Variants in PSD2 observed in about 807,000 individuals in gnomAD.
PSD2 encodes PH and SEC7 domain-containing protein 2.
A neutral mutation model predicts 69.8 loss-of-function variants in PSD2; 38 were observed. That is an observed-to-expected ratio of 0.54 (90% confidence interval 0.42 to 0.71). The LOEUF (loss-of-function observed/expected upper bound fraction) is 0.71, where lower values mean the gene tolerates loss of function less well. PSD2 is among the 30% of genes least tolerant of loss of function. PSD2 has a pLI of 0.00. For missense variants in PSD2, 943 were observed against 1,014.5 expected, an observed-to-expected ratio of 0.93 and a Z score of 0.96; for synonymous variants, 412 against 423.0, an observed-to-expected ratio of 0.97 and a Z score of 0.32.
the PSD2 span, among the ~76,000 whole-genome samples, chr5:139,781,437 G>A: frequency 3.3e-5 from 5 of 151,698 alleles, no homozygotes; most frequent in East Asian, 7.8e-4. Context: ...CTGGGTTCAC[G>A]CCATTCTCCT....
chr5:139,768,229 A>G, the PSD2 span, among the ~76,000 whole-genome samples: 3 of 152,222 alleles, frequency 2.0e-5, no homozygotes, highest in Non-Finnish European at 4.4e-5. Flanking sequence ...GGGAGAAAGG[A>G]TAGGACAGGC....
chr5:139,764,139 G>A, the PSD2 span, among the ~76,000 whole-genome samples: 1 of 152,158 alleles, frequency 6.6e-6, no homozygotes, highest in African/African-American at 2.4e-5. Context: ...CACAGTCAGC[G>A]GGTGGCTGTT....
At chr5:139,830,620 T>TTCTCTC (rs1191417005) in intron 7 of PSD2, among the ~76,000 whole-genome samples, 14 of 85,544 alleles carry the variant, frequency 1.6e-4, no homozygotes, top group Non-Finnish European at 3.0e-4. Context: ...CTTTCTTTCT[T>TTCTCTC]TCTTTCTCTT....
At chr5:139,809,032 A>G (rs1327323366) in intron 1 of PSD2, among the ~76,000 whole-genome samples, 1 of 152,204 alleles carries the variant, frequency 6.6e-6, no homozygotes, top group Non-Finnish European at 1.5e-5. Context: ...ATCACTCACC[A>G]GCGGGAATGG....
chr5:139,839,747 T>G lies in PSD2; in HGVS notation c.1969-280T>G, dbSNP rs1271122921. Among the ~76,000 whole-genome samples, 1 of 152,146 alleles carries G rather than the reference T, an allele frequency of 6.6e-6. No homozygotes were observed. Among genetic ancestry groups the G allele is most frequent in the African/African-American group, 2.4e-5 (1 of 41,428 alleles). ...GTGTCTGTGTCAGGGACTGTCTATGTGCACATATAAGTGTGAGCATCTCTT... is the reference window on the plus strand; with the variant it reads ...GTGTCTGTGTCAGGGACTGTCTATGGGCACATATAAGTGTGAGCATCTCTT... On this transcript the variant is annotated intron_variant, in intron 13 of 14. Transcript: ENST00000274710. The surrounding 1 kb of genome is among the most constrained non-coding windows in gnomAD (Gnocchi z 5.1).
chr5:139,820,187 G>T (rs1422779), intron 5 of PSD2, among the ~76,000 whole-genome samples: 46,589 of 152,024 alleles, frequency 0.31, 8,503 homozygotes, highest in African/African-American at 0.52. Flanking sequence ...GTGGCGGCAC[G>T]GGGTTGCGGC....
intron 7 of PSD2, among the ~76,000 whole-genome samples, chr5:139,833,214 A>G (rs1399938572): frequency 6.6e-6 from 1 of 152,108 alleles, no homozygotes; most frequent in Non-Finnish European, 1.5e-5. Flanking sequence ...ACCGTGGAGT[A>G]GCGGTGAGAG....
At chr5:139,800,521 C>T (rs2126923942) in intron 1 of PSD2, among the ~76,000 whole-genome samples, 1 of 152,378 alleles carries the variant, frequency 6.6e-6, no homozygotes, top group Admixed American at 6.5e-5. Flanking sequence ...CTCGGCTGCC[C>T]TCCTTGGCTT....
intron 1 of PSD2, among the ~76,000 whole-genome samples, chr5:139,797,494 C>A (rs1158037629): frequency 2.6e-5 from 4 of 152,230 alleles, no homozygotes; most frequent in Admixed American, 1.3e-4. Flanking sequence ...GGCCTCCCCG[C>A]TGCAGCTTGT....
intron 7 of PSD2, among the ~76,000 whole-genome samples, chr5:139,827,607 T>C (rs1376164645): frequency 1.3e-5 from 2 of 152,212 alleles, no homozygotes; most frequent in Admixed American, 1.3e-4. Context: ...AGAACTTCCC[T>C]GAGACTGGGT....
At chr5:139,805,905 G>C (rs1329537187) in intron 1 of PSD2, among the ~76,000 whole-genome samples, 1 of 152,124 alleles carries the variant, frequency 6.6e-6, no homozygotes, top group Non-Finnish European at 1.5e-5. Flanking sequence ...AGGATTATGA[G>C]GAGGGAGGAA....
In PSD2 at chr5:139,839,952, C is replaced by T. The variant is rs1451051568; in HGVS notation, c.1969-75C>T. On this transcript the variant is annotated intron_variant, in intron 13 of 14. Coordinates refer to ENST00000274710, the MANE Select transcript of PSD2 (RefSeq NM_032289.4). This position sits in a 1 kb window ranked among gnomAD's most constrained non-coding sequence, Gnocchi z 5.1. The stretch of plus-strand genomic sequence containing the variant: ...TCATTTCCCTTTGGTGGAGCAGCTC[C>T]TGGTAGAACAGGATTTGAGCCACTC... The T allele has an allele frequency of 1.9e-6, 3 of 1,543,812 alleles. No individual in the cohort carries two copies. The African/African-American group carries it at 4.1e-5, about 21-fold the overall frequency.
the PSD2 span, among the ~76,000 whole-genome samples, chr5:139,752,143 C>T: frequency 1.3e-5 from 2 of 152,120 alleles, no homozygotes; most frequent in East Asian, 1.9e-4. Context: ...GGCAGATCCT[C>T]GACACTGCCA....
chr5:139,843,647 T>A lies in PSD2; in HGVS notation c.*1173T>A, dbSNP rs1417348377. ...TTGTGGGAAAAGGTGGAATGACAAG[T>A]TATTGATTGTTTTTCTGTCGCTATT... On this transcript the variant is annotated 3_prime_UTR_variant, in exon 15 of 15. Coordinates refer to ENST00000274710, the MANE Select transcript of PSD2 (RefSeq NM_032289.4). 6.6e-6 allele frequency: 1 copy of A among 152,192 alleles called. No individual in the cohort carries two copies. Among genetic ancestry groups the A allele is most frequent in the Non-Finnish European group, 1.5e-5 (1 of 68,030 alleles). The allele number at this position is 152,192 out of a possible 1,614,324, so 9.4% of individuals were successfully genotyped here.
chr5:139,766,131 T>C, the PSD2 span, among the ~76,000 whole-genome samples: 1 of 151,912 alleles, frequency 6.6e-6, no homozygotes, highest in African/African-American at 2.4e-5. Context: ...CGGAGCAGAA[T>C]GGTGGTGGGG....
At chr5:139,833,647 G>A in intron 7 of PSD2, 55 bp from the exon 8 acceptor site, 1 of 1,286,448 alleles carries the variant, frequency 7.8e-7, no homozygotes, top group East Asian at 2.3e-5. Context: ...AGGGTGTGTG[G>A]GGAACACACC....
upstream of PSD2, among the ~76,000 whole-genome samples, chr5:139,792,914 CTTTCTTTT>C (rs1218655317): frequency 4.4e-5 from 6 of 137,546 alleles, no homozygotes; most frequent in Non-Finnish European, 9.3e-5. Flanking sequence ...TTCCTTCTTT[CTTTCTTTT>C]TTCTTTCTTT....
intron 7 of PSD2, among the ~76,000 whole-genome samples, chr5:139,828,250 C>G (rs113236067): frequency 0.019 from 2,756 of 145,810 alleles, 85 homozygotes; most frequent in African/African-American, 0.066. Flanking sequence ...CTGGGGTAAG[C>G]GGGGGAGAAC....
At chr5:139,789,766 G>A in the PSD2 span, among the ~76,000 whole-genome samples, 3 of 152,110 alleles carry the variant, frequency 2.0e-5, no homozygotes, top group Non-Finnish European at 4.4e-5. Context: ...TGATGGCAGC[G>A]GTGGTGGGGA....
Sources: gnomAD v4.1 joint callset for allele counts (sites outside exome capture counted in the v4.1 genomes callset) on GRCh38, gnomAD v4.1.1 for gene constraint, Gnocchi (gnomAD v3.1) non-coding constraint, MANE v1.5 for transcripts, NCBI Gene and HGNC (gene_info 2026-07-23, HGNC 2026-07-21) for gene names.